The following NPNT variants were observed in gnomAD, a reference collection of about 807,000 sequenced individuals.
The protein encoded by NPNT is nephronectin.
A neutral mutation model predicts 68.6 loss-of-function variants in NPNT; 45 were observed. The ratio of observed to expected loss-of-function variants is 0.66; its 90% CI spans 0.52 to 0.84. The LOEUF (loss-of-function observed/expected upper bound fraction) is 0.84. Ranked by LOEUF, NPNT falls within the 40% of genes least tolerant of loss-of-function variation. The pLI, the probability that NPNT is intolerant of heterozygous loss-of-function variation, is 0.00. For missense variants in NPNT, 672 were observed against 714.8 expected, an observed-to-expected ratio of 0.94 and a Z score of 0.68; for synonymous variants, 233 against 253.3, an observed-to-expected ratio of 0.92 and a Z score of 0.76.
intron 10 of NPNT, among the ~76,000 whole-genome samples, chr4:105,966,516 G>A (rs1226640688): frequency 6.6e-6 from 1 of 152,162 alleles, no homozygotes; most frequent in African/African-American, 2.4e-5. Context: ...CTATAAAAAT[G>A]TTTTAAATGG....
In NPNT at chr4:105,942,917, A is replaced by G. The variant is rs185556928; in HGVS notation, c.1159+215A>G. 4.7e-4 allele frequency among the ~76,000 whole-genome samples: 72 copies of G among 152,378 alleles called. No homozygotes were observed. In the East Asian group the frequency reaches 0.012, roughly 26 times the overall value. On this transcript the variant is annotated intron_variant, in intron 8 of 11. Coordinates refer to ENST00000379987, the MANE Select transcript of NPNT (RefSeq NM_001033047.3). Reference sequence around the variant, plus strand: ...ATGTAGCAATGGAAGGAATATTCACAAAGTCATATGGTAGATGACAGCTCT... The same window carrying G: ...ATGTAGCAATGGAAGGAATATTCACGAAGTCATATGGTAGATGACAGCTCT...
chr4:105,947,517 G>A (rs1243806602), intron 8 of NPNT, among the ~76,000 whole-genome samples: 2 of 152,066 alleles, frequency 1.3e-5, no homozygotes, highest in Non-Finnish European at 2.9e-5. Context: ...CACCACTGGA[G>A]CATTTTTCCT....
intron 3 of NPNT, chr4:105,932,701 G>A (rs745792750): frequency 6.5e-7 from 1 of 1,534,900 alleles, no homozygotes; most frequent in South Asian, 1.2e-5. Context: ...TTGCCTTCAA[G>A]GGGTGAGCGT....
At chr4:105,943,013 T>G (rs1260252181) in intron 8 of NPNT, among the ~76,000 whole-genome samples, 2 of 152,244 alleles carry the variant, frequency 1.3e-5, no homozygotes, top group Non-Finnish European at 2.9e-5. Context: ...TTAACTGTAT[T>G]CCATGCTATG....
intron 10 of NPNT, among the ~76,000 whole-genome samples, chr4:105,966,951 TTG>T (rs1027011146): frequency 6.6e-6 from 1 of 152,178 alleles, no homozygotes; most frequent in Non-Finnish European, 1.5e-5. Context: ...TTACTAATTA[TTG>T]TGTGTCTCTG....
intron 8 of NPNT, among the ~76,000 whole-genome samples, chr4:105,958,131 G>C (rs920048314): frequency 3.3e-5 from 5 of 152,158 alleles, no homozygotes; most frequent in Admixed American, 1.3e-4. Context: ...ATCTTTCGTA[G>C]AGATGAACTT....
At chr4:105,958,855 A>C (rs1478578364) in intron 9 of NPNT, 173 bp from the exon 10 acceptor site, 1 of 581,282 alleles carries the variant, frequency 1.7e-6, no homozygotes, top group Non-Finnish European at 3.1e-6. Flanking sequence ...CAGATGATGC[A>C]CTATTGTGCT....
At chr4:105,959,871 G>A (rs984726097) in intron 10 of NPNT, among the ~76,000 whole-genome samples, 7 of 148,506 alleles carry the variant, frequency 4.7e-5, no homozygotes, top group East Asian at 2.0e-4. Context: ...GTGCAGTGGC[G>A]CGATCTCGGC....
intron 10 of NPNT, among the ~76,000 whole-genome samples, chr4:105,963,897 A>T (rs1731924117): frequency 6.6e-6 from 1 of 152,004 alleles, no homozygotes; most frequent in Non-Finnish European, 1.5e-5. Context: ...ACCCAGCAAG[A>T]TGCAGCCAGT....
At chr4:105,944,437 T>C (rs925831320) in intron 8 of NPNT, among the ~76,000 whole-genome samples, 1 of 152,236 alleles carries the variant, frequency 6.6e-6, no homozygotes, top group Non-Finnish European at 1.5e-5. Flanking sequence ...TTCATTATGA[T>C]GAAAGAATAC....
chr4:105,970,393 A>G lies in NPNT; in HGVS notation c.*1403A>G, dbSNP rs1732482932. 2.9e-6 allele frequency: 2 copies of G among 699,330 alleles called. No homozygotes were observed. Among genetic ancestry groups the G allele is most frequent in the African/African-American group, 3.5e-5 (2 of 56,956 alleles). The allele number at this position is 699,330 out of a possible 1,614,324, so 43.3% of individuals were successfully genotyped here. On this transcript the variant is annotated 3_prime_UTR_variant, in exon 12 of 12. Transcript: ENST00000379987. ...TCTGCTATTTTTGCCAGGAATCACA[A>G]AGATGATTAAAGGGTTGGAAAAAAA...
chr4:105,956,316 C>T (rs990761723), intron 8 of NPNT, among the ~76,000 whole-genome samples: 19 of 152,056 alleles, frequency 1.2e-4, no homozygotes, highest in Non-Finnish European at 2.8e-4. Flanking sequence ...CAATGCTATG[C>T]TTTTTGCTTG....
Position 105,919,116 on chromosome 4 carries a change from G to A in NPNT, c.173-8220G>A, listed in dbSNP as rs1042198161. Among the ~76,000 whole-genome samples the A allele has an allele frequency of 2.6e-5, 4 of 152,068 alleles. No individual in the cohort carries two copies. In the East Asian group the frequency reaches 5.8e-4, roughly 22 times the overall value. On this transcript the variant is annotated intron_variant, in intron 2 of 11. Coordinates refer to ENST00000379987, the MANE Select transcript of NPNT (RefSeq NM_001033047.3). ...AAATAATAGTTGTCTGTGTATTCAT[G>A]TTATTGTACTCCTTTTTATATATTT... is the stretch of plus-strand genomic sequence containing the variant.
At position 105,897,886 on chromosome 4, in the gene NPNT, C is replaced by T. The variant is rs778262239; in HGVS notation, c.72-15C>T. 33 of 1,543,698 alleles carry T rather than the reference C, an allele frequency of 2.1e-5. 1 individual carries two copies. In the South Asian group the frequency reaches 3.5e-4, roughly 16 times the overall value. On this transcript the variant is annotated splice_polypyrimidine_tract_variant and intron_variant, in intron 1 of 11. Coordinates refer to ENST00000379987, the MANE Select transcript of NPNT (RefSeq NM_001033047.3). ...AAAAGTGTCCTTATTTATTTTGAATCTTTTTTTTTGGTAGGTGGCCCAGGC... is the reference window on the plus strand; with the variant it reads ...AAAAGTGTCCTTATTTATTTTGAATTTTTTTTTTTGGTAGGTGGCCCAGGC...
intron 10 of NPNT, among the ~76,000 whole-genome samples, chr4:105,966,909 C>G (rs1272531897): frequency 6.6e-6 from 1 of 152,074 alleles, no homozygotes; most frequent in Non-Finnish European, 1.5e-5. Context: ...TATGTCTGAT[C>G]ATATTCCACT....
intron 2 of NPNT, among the ~76,000 whole-genome samples, chr4:105,917,418 ATTC>A (rs1164409407): frequency 2.0e-5 from 3 of 152,108 alleles, no homozygotes; most frequent in Non-Finnish European, 4.4e-5. Context: ...CTTCTTCTGT[ATTC>A]TTTTAACACC....
intron 2 of NPNT, among the ~76,000 whole-genome samples, chr4:105,906,360 C>T (rs1298749877): frequency 6.6e-6 from 1 of 152,164 alleles, no homozygotes; most frequent in African/African-American, 2.4e-5. Context: ...ACATTCCTAT[C>T]ATGAAGCCAG....
chr4:105,952,804 T>C (rs1469498256), intron 8 of NPNT, among the ~76,000 whole-genome samples: 1 of 152,204 alleles, frequency 6.6e-6, no homozygotes, highest in Non-Finnish European at 1.5e-5. Flanking sequence ...GTGTTCATGC[T>C]GCACTCAGTC....
chr4:105,939,261 C>A (rs1427903184), intron 5 of NPNT, among the ~76,000 whole-genome samples: 1 of 152,154 alleles, frequency 6.6e-6, no homozygotes, highest in East Asian at 1.9e-4. Flanking sequence ...GTCTATTAGC[C>A]TTAAGGTAAG....
Sources: allele counts gnomAD v4.1 joint callset (sites outside exome capture counted in the v4.1 genomes callset), GRCh38; gene constraint gnomAD v4.1.1; transcripts MANE v1.5; gene names NCBI Gene and HGNC (gene_info 2026-07-23, HGNC 2026-07-21).